PTPRT: variants seen among roughly 807,000 people sequenced by gnomAD.
The protein encoded by PTPRT is receptor-type tyrosine-protein phosphatase T.
In PTPRT, 56 loss-of-function variants were observed where a neutral mutation model predicts 176.8. The ratio of observed to expected loss-of-function variants is 0.32; its 90% CI spans 0.26 to 0.40. The LOEUF is 0.40. Ranked by LOEUF, PTPRT falls within the 10% of genes least tolerant of loss-of-function variation. PTPRT has a pLI of 1.00. For synonymous variants in PTPRT, 783 were observed against 739.0 expected, an observed-to-expected ratio of 1.06 and a Z score of -0.96; for missense variants, 1,540 against 1,908.2, an observed-to-expected ratio of 0.81 and a Z score of 3.60.
rs141708515 is a variant in PTPRT, at chr20:42,311,394, T to C, written c.2139+4329A>G. ...ACTCTGTTAACCTGACAAACCATCC[T>C]TAACATCCATAGAACAAAGATGTCC... is the stretch of plus-strand genomic sequence containing the variant. On this transcript the variant is annotated intron_variant, in intron 12 of 30. Transcript: ENST00000373187. Among the ~76,000 whole-genome samples, 60 of 152,300 alleles carry C rather than the reference T, an allele frequency of 3.9e-4. 1 individual carries two copies. The East Asian group carries it at 0.012, about 29-fold the overall frequency.
intron 6 of PTPRT, among the ~76,000 whole-genome samples, chr20:42,745,524 T>C (rs931445227): frequency 1.1e-4 from 16 of 152,234 alleles, no homozygotes; most frequent in Non-Finnish European, 2.1e-4. Flanking sequence ...CATTGCCAAA[T>C]GTCCCCTGGA....
At chr20:43,080,292 C>T (rs554823834) in intron 1 of PTPRT, among the ~76,000 whole-genome samples, 66 of 152,346 alleles carry the variant, frequency 4.3e-4, no homozygotes, top group African/African-American at 1.4e-3. Flanking sequence ...TCCAGCCTGG[C>T]TCCTGCAGTG....
chr20:42,628,619 C>T (rs527411126), intron 7 of PTPRT, among the ~76,000 whole-genome samples: 17 of 152,212 alleles, frequency 1.1e-4, no homozygotes, highest in Admixed American at 8.5e-4. Context: ...CTATTCCAAG[C>T]ACTTAATATA....
At chr20:42,206,289 C>T (rs1012908137) in intron 15 of PTPRT, among the ~76,000 whole-genome samples, 2 of 152,172 alleles carry the variant, frequency 1.3e-5, no homozygotes, top group Non-Finnish European at 2.9e-5. Flanking sequence ...GCCAAGATGG[C>T]CGAATAGGAA....
intron 9 of PTPRT, among the ~76,000 whole-genome samples, chr20:42,355,154 T>C (rs924404282): frequency 2.6e-5 from 4 of 152,148 alleles, no homozygotes; most frequent in Non-Finnish European, 4.4e-5. Context: ...CCAGCCCTGA[T>C]GGGAGTTGAT....
In PTPRT at chr20:42,390,195, A is replaced by T. The variant is rs528499110; in HGVS notation, c.1561-37910T>A. Among the ~76,000 whole-genome samples the T allele has an allele frequency of 2.6e-5, 4 of 152,340 alleles. No individual in the cohort carries two copies. In the East Asian group the frequency reaches 7.7e-4, roughly 29 times the overall value. ...ACCCTGTCACTACAAAAAATTAAAAAGTTCTGGGCATGTAATCAGTAAAGA... is the reference window on the plus strand; with the variant it reads ...ACCCTGTCACTACAAAAAATTAAAATGTTCTGGGCATGTAATCAGTAAAGA... On this transcript the variant is annotated intron_variant, in intron 9 of 30. Coordinates refer to ENST00000373187, the MANE Select transcript of PTPRT (RefSeq NM_007050.6).
intron 1 of PTPRT, among the ~76,000 whole-genome samples, chr20:43,044,433 C>T (rs1175228856): frequency 6.6e-6 from 1 of 152,146 alleles, no homozygotes; most frequent in Non-Finnish European, 1.5e-5. Context: ...GCTACTAATC[C>T]TTTCCAATGT....
chr20:42,620,042 C>T (rs1472829473), intron 7 of PTPRT, among the ~76,000 whole-genome samples: 3 of 149,716 alleles, frequency 2.0e-5, no homozygotes, highest in Non-Finnish European at 4.4e-5. Context: ...TCCAGTTTTT[C>T]TGTTCTGTTT....
intron 1 of PTPRT, among the ~76,000 whole-genome samples, chr20:42,946,736 T>C (rs976320996): frequency 3.9e-5 from 6 of 152,198 alleles, no homozygotes; most frequent in Non-Finnish European, 7.3e-5. Flanking sequence ...CTTTCTTCAC[T>C]CAATGTCATG....
chr20:42,206,332 C>G (rs146120138), intron 15 of PTPRT, among the ~76,000 whole-genome samples: 1 of 152,184 alleles, frequency 6.6e-6, no homozygotes, highest in Admixed American at 6.5e-5. Flanking sequence ...GCGTGAGCGA[C>G]GCAGAAGACG....
At chr20:43,102,899 A>G (rs534117348) in intron 1 of PTPRT, among the ~76,000 whole-genome samples, 60 of 152,362 alleles carry the variant, frequency 3.9e-4, no homozygotes, top group Admixed American at 1.1e-3. Flanking sequence ...TGGGGGATGC[A>G]AAACTAAGAC....
At chr20:42,774,468 A>C (rs2077105575) in intron 4 of PTPRT, among the ~76,000 whole-genome samples, 1 of 152,170 alleles carries the variant, frequency 6.6e-6, no homozygotes. Context: ...AGGGGTGTCA[A>C]ACGTCTGATT....
rs995065340 is a variant in PTPRT, at chr20:43,176,938, C to T, written c.88+12708G>A. Among the ~76,000 whole-genome samples the T allele has an allele frequency of 1.3e-5, 2 of 152,264 alleles. 1 individual carries two copies. Among genetic ancestry groups the T allele is most frequent in the South Asian group, 4.1e-4 (2 of 4,828 alleles). ...TAGACCTCATTAGTAAACCATGAGG[C>T]CAGAAAAAGCCAGCCCAAGATATAC... On this transcript the variant is annotated intron_variant, in intron 1 of 30. Transcript: ENST00000373187.
intron 12 of PTPRT, among the ~76,000 whole-genome samples, chr20:42,304,727 T>C (rs2145325824): frequency 6.6e-6 from 1 of 152,372 alleles, no homozygotes; most frequent in Admixed American, 6.5e-5. Context: ...TAACTTTTTA[T>C]ATTTTAACCT....
intron 14 of PTPRT, among the ~76,000 whole-genome samples, chr20:42,246,829 C>T (rs1468111725): frequency 6.6e-6 from 1 of 152,176 alleles, no homozygotes; most frequent in Admixed American, 6.5e-5. Flanking sequence ...CCCAAACTCA[C>T]CTCTGCCTCT....
intron 26 of PTPRT, among the ~76,000 whole-genome samples, 183 bp downstream of exon 26, chr20:42,101,941 C>A (rs1188303282): frequency 1.3e-5 from 2 of 152,152 alleles, no homozygotes; most frequent in Non-Finnish European, 2.9e-5. Flanking sequence ...GAGCCAAGAG[C>A]CCACCTTGTG....
intron 1 of PTPRT, among the ~76,000 whole-genome samples, chr20:43,013,503 A>G (rs536812870): frequency 6.6e-6 from 1 of 152,342 alleles, no homozygotes; most frequent in South Asian, 2.1e-4. Flanking sequence ...AAATAAAAGA[A>G]CAAACAGGTG....
chr20:42,645,510 G>A (rs538138809), intron 7 of PTPRT, among the ~76,000 whole-genome samples: 9 of 152,142 alleles, frequency 5.9e-5, no homozygotes, highest in African/African-American at 1.7e-4. Context: ...GATCACCTCC[G>A]AAGGAAATGA....
At chr20:43,091,539 A>G (rs1376065930) in intron 1 of PTPRT, among the ~76,000 whole-genome samples, 1 of 148,644 alleles carries the variant, frequency 6.7e-6, no homozygotes, top group Non-Finnish European at 1.5e-5. Context: ...TCTCTCTCTC[A>G]CACACACATA....
Sources: allele counts gnomAD v4.1 joint callset (sites outside exome capture counted in the v4.1 genomes callset), GRCh38; gene constraint gnomAD v4.1.1; transcripts MANE v1.5; gene names NCBI Gene and HGNC (gene_info 2026-07-23, HGNC 2026-07-21).